PLA2G2F: variants seen among roughly 807,000 people sequenced by gnomAD.
PLA2G2F encodes the protein phospholipase A2 group IIF.
A neutral mutation model predicts 15.9 loss-of-function variants in PLA2G2F; 17 were observed. That is an observed-to-expected ratio of 1.07 (90% CI 0.73 to 1.60). The LOEUF is 1.60. PLA2G2F is among the 40% of genes most tolerant of loss of function. The pLI is 0.00. For missense variants in PLA2G2F, 299 were observed against 278.2 expected, an observed-to-expected ratio of 1.07 and a Z score of -0.53; for synonymous variants, 119 against 106.5, an observed-to-expected ratio of 1.12 and a Z score of -0.72.
chr1:20,142,647 T>C (rs2017500400), intron 2 of PLA2G2F: 1 of 152,326 alleles, frequency 6.6e-6, no homozygotes, highest in African/African-American at 2.4e-5. Flanking sequence ...CCTTGCACTA[T>C]TTCTCCCTCT....
intron 2 of PLA2G2F, 91 bp from the exon 3 acceptor site, chr1:20,143,355 A>G (rs2017515559): frequency 6.7e-7 from 1 of 1,485,820 alleles, no homozygotes; most frequent in Non-Finnish European, 9.1e-7. Context: ...AGGTATTGGG[A>G]GGATGGTCAG....
chr1:20,143,804 T>C, intron 3 of PLA2G2F: 1 of 583,028 alleles, frequency 1.7e-6, no homozygotes, highest in South Asian at 2.4e-5. Context: ...GCCATGGGCT[T>C]GGAAGTGTTT....
At chr1:20,143,338 C>G (rs2017515257) in intron 2 of PLA2G2F, 108 bp from the exon 3 acceptor site, 5 of 1,378,344 alleles carry the variant, frequency 3.6e-6, no homozygotes, top group Non-Finnish European at 4.9e-6. Flanking sequence ...CTTCTCCCAC[C>G]TACCCTAGGT....
At position 20,148,186 on chromosome 1, in the gene PLA2G2F, G is replaced by A. The variant is rs1313189985; in HGVS notation, c.425-4G>A. ...ACAGCCTTTGCCACCCCATCCCCCT[G>A]TAGGTGACCTCAACAAGACAGAGTG... On this transcript the variant is annotated splice_polypyrimidine_tract_variant and splice_region_variant and intron_variant, in intron 4 of 4. Coordinates refer to ENST00000375102, the MANE Select transcript of PLA2G2F (RefSeq NM_022819.4). The A allele has an allele frequency of 1.9e-6, 3 of 1,613,812 alleles. No individual in the cohort carries two copies. Among genetic ancestry groups the A allele is most frequent in the East Asian group, 2.2e-5 (1 of 44,848 alleles).
chr1:20,139,571 T>A, intron 1 of PLA2G2F, 28 bp downstream of exon 1: 1 of 1,443,918 alleles, frequency 6.9e-7, no homozygotes, highest in East Asian at 2.5e-5. Flanking sequence ...TGAGATGGAA[T>A]CCTCCAGGGA....
chr1:20,141,864 G>T (rs556160745), intron 2 of PLA2G2F: 8 of 152,352 alleles, frequency 5.3e-5, no homozygotes, highest in African/African-American at 1.9e-4. Context: ...TGGCCTGCCT[G>T]ATCTCTCATG....
rs748372907 is a variant in PLA2G2F at position 20,144,580 on chromosome 1, G to T, written c.315G>T (p.Trp105Cys). The T allele has an allele frequency of 1.2e-6, 2 of 1,607,722 alleles. No individual in the cohort carries two copies. Among genetic ancestry groups the T allele is most frequent in the Admixed American group, 3.4e-5 (2 of 59,318 alleles). The change falls in exon 4 of 5, where the codon TGG becomes TGT. Residue 105 changes from tryptophan to cysteine, a missense_variant and splice_region_variant. Transcript: ENST00000375102. Reference sequence around the variant, plus strand: ...TCCACTCACCTCTGCCGCTCCCTAGGTGCTGCCACGCCCACGACTGCTGCT... The same window carrying T: ...TCCACTCACCTCTGCCGCTCCCTAGTTGCTGCCACGCCCACGACTGCTGCT... ...GRGQPKDEVDWCCHAHDCCYQ... is the reference protein window; with the variant it reads ...GRGQPKDEVDCCCHAHDCCYQ...
rs985806978 is a variant in PLA2G2F at position 20,148,828 on chromosome 1, G to A, written c.*427G>A. 5.7e-6 allele frequency: 1 copy of A among 176,020 alleles called. No homozygotes were observed. Among genetic ancestry groups the A allele is most frequent in the Non-Finnish European group, 1.2e-5 (1 of 82,182 alleles). 10.9% of individuals were successfully genotyped at this position (176,020 alleles called of 1,614,324 possible). On this transcript the variant is annotated 3_prime_UTR_variant, in exon 5 of 5. Coordinates refer to ENST00000375102, the MANE Select transcript of PLA2G2F (RefSeq NM_022819.4). Reference sequence around the variant, plus strand: ...ATGCATCCTCGGCCCAAGATCACAGGAAGGCAGATTGCTGGTCACAAAGCA... The same window carrying A: ...ATGCATCCTCGGCCCAAGATCACAGAAAGGCAGATTGCTGGTCACAAAGCA...
intron 4 of PLA2G2F, among the ~76,000 whole-genome samples, chr1:20,146,238 C>G (rs1483932943): frequency 6.6e-6 from 1 of 152,202 alleles, no homozygotes; most frequent in Non-Finnish European, 1.5e-5. Context: ...CTCCCTGCTC[C>G]ATGTAGCCCT....
intron 3 of PLA2G2F, 170 bp downstream of exon 3, chr1:20,143,760 C>A (rs2017528211): frequency 2.4e-6 from 2 of 824,272 alleles, no homozygotes; most frequent in South Asian, 1.9e-5. Context: ...TCTTTCCAAA[C>A]TGTTTTGAGC....
In PLA2G2F at chr1:20,148,561, G is replaced by C. The variant is rs1232168237; in HGVS notation, c.*160G>C. On this transcript the variant is annotated 3_prime_UTR_variant, in exon 5 of 5. Transcript: ENST00000375102. ...CTCAGCTCTCAGAGGACTCAGGAAG[G>C]CCTGGGTCCTGACTCCCCCAGCCCA... 2 of 635,304 alleles carry C rather than the reference G, an allele frequency of 3.1e-6. No individual in the cohort carries two copies. Among genetic ancestry groups the C allele is most frequent in the Admixed American group, 2.9e-5 (1 of 34,732 alleles). The allele number at this position is 635,304 out of a possible 1,614,324, so 39.4% of individuals were successfully genotyped here. A position where few individuals can be genotyped will look rare whatever the true frequency, so the allele number is the denominator to read the frequency against.
chr1:20,140,114 C>T (rs2017428943), intron 1 of PLA2G2F, 52 bp from the exon 2 acceptor site: 9 of 1,594,064 alleles, frequency 5.6e-6, no homozygotes, highest in Non-Finnish European at 6.0e-6. Context: ...AGGTCCAACA[C>T]TGCCAAGGGT....
chr1:20,147,606 G>A (rs534491047), intron 4 of PLA2G2F, among the ~76,000 whole-genome samples: 242 of 152,096 alleles, frequency 1.6e-3, no homozygotes, highest in African/African-American at 5.6e-3. Context: ...CCACCACCAC[G>A]CCTGGCTAAT....
intron 2 of PLA2G2F, chr1:20,142,422 CTTCCCCCAGGTA>C (rs1226375216): frequency 6.6e-6 from 1 of 152,324 alleles, no homozygotes; most frequent in Non-Finnish European, 1.5e-5. Flanking sequence ...TGTAGGGCAG[CTTCCCCCAGGTA>C]AGGACTGTAG....
chr1:20,144,374 C>T (rs559949149), intron 3 of PLA2G2F, among the ~76,000 whole-genome samples: 6 of 152,330 alleles, frequency 3.9e-5, no homozygotes, highest in East Asian at 1.9e-4. Context: ...CAGGTGCCAA[C>T]GAAGCTGAAG....
chr1:20,148,447 G>T lies in PLA2G2F; in HGVS notation c.*46G>T. On this transcript the variant is annotated 3_prime_UTR_variant, in exon 5 of 5. Transcript: ENST00000375102. ...GAGAGCGGGAGGAGGGTCTGGCTTG[G>T]GGACCAGACGAGGTGCAGGGAGGGT... 6.6e-7 allele frequency: 1 copy of T among 1,524,946 alleles called. No homozygotes were observed. Among genetic ancestry groups the T allele is most frequent in the Non-Finnish European group, 9.0e-7 (1 of 1,104,974 alleles). The allele number at this position is 1,524,946 out of a possible 1,614,324, so 94.5% of individuals were successfully genotyped here.
Position 20,148,349 on chromosome 1 carries a change from C to G in PLA2G2F, c.584C>G (p.Pro195Arg), listed in dbSNP as rs1270853728. 1 of 1,613,942 alleles carries G rather than the reference C, an allele frequency of 6.2e-7. No homozygotes were observed. Among genetic ancestry groups the G allele is most frequent in the African/African-American group, 1.3e-5 (1 of 74,900 alleles). Residue 195 changes from proline to arginine, a missense_variant, in exon 5 of 5, where the codon CCT (proline) becomes CGT (arginine). By Grantham distance (103) the Pro-to-Arg change is moderately radical (BLOSUM62 -2). Transcript: ENST00000375102. Reference protein sequence around the residue: ...TPNCSIYEPPPEEVTCSHQSP... With the variant: ...TPNCSIYEPPREEVTCSHQSP... ...AACTGCAGCATCTATGAACCGCCCC[C>G]TGAGGAGGTCACCTGCAGTCACCAA...
chr1:20,143,573 C>T lies in PLA2G2F; in HGVS notation c.297C>T (p.Pro99=), dbSNP rs148914485. 13 of 1,613,764 alleles carry T rather than the reference C, an allele frequency of 8.1e-6. No homozygotes were observed. Among genetic ancestry groups the T allele is most frequent in the Non-Finnish European group, 1.0e-5 (12 of 1,179,896 alleles). The change falls in exon 3 of 5, where the codon CCC becomes CCT. Residue 99 remains proline, a synonymous_variant. Transcript: ENST00000375102. ...CYCGLGGRGQ[P]KDEVDWCCHA... The stretch of plus-strand genomic sequence containing the variant: ...GTGGGCTGGGGGGCCGTGGCCAGCC[C>T]AAGGATGAGGTGGACTGGTAGGTAC...
chr1:20,143,211 T>G, intron 2 of PLA2G2F: 1 of 497,086 alleles, frequency 2.0e-6, no homozygotes, highest in Non-Finnish European at 3.6e-6. Context: ...ACCTGCGTTG[T>G]TTTCTCAGGG....
Sources: gnomAD v4.1 joint callset for allele counts (sites outside exome capture counted in the v4.1 genomes callset) on GRCh38, gnomAD v4.1.1 for gene constraint, MANE v1.5 for transcripts, NCBI Gene and HGNC (gene_info 2026-07-23, HGNC 2026-07-21) for gene names.